Variants in CDYL2 observed in about 807,000 individuals in gnomAD.
CDYL2 encodes the protein chromodomain Y-like protein 2.
CDYL2 carries 23 observed loss-of-function variants against 49.4 expected under a neutral mutation model. The observed-to-expected ratio is 0.47, with a 90% CI of 0.34 to 0.66. The LOEUF is 0.66. Ranked by LOEUF, CDYL2 falls within the 30% of genes least tolerant of loss-of-function variation. The pLI is 0.01. For synonymous variants in CDYL2, 360 were observed against 268.8 expected (o/e 1.34, Z -3.32); for missense variants, 678 against 656.4 (o/e 1.03, Z -0.36).
chr16:80,686,002 A>G (rs1000620489), intron 1 of CDYL2, among the ~76,000 whole-genome samples: 3 of 152,206 alleles, frequency 2.0e-5, no homozygotes, highest in Non-Finnish European at 4.4e-5. Context: ...AGTACCTACT[A>G]TGCACCTCAC....
chr16:80,791,409 AC>A (rs1858921366), intron 1 of CDYL2, among the ~76,000 whole-genome samples: 1 of 152,180 alleles, frequency 6.6e-6, no homozygotes, highest in South Asian at 2.1e-4. Context: ...TACAGATGAA[AC>A]AAGACAGACA....
chr16:80,633,780 T>C (rs572323172), intron 2 of CDYL2, among the ~76,000 whole-genome samples: 5 of 152,194 alleles, frequency 3.3e-5, no homozygotes, highest in Admixed American at 6.5e-5. Flanking sequence ...GCAGGCAGTA[T>C]CCTTAGGTCT....
chr16:80,608,175 G>T lies in CDYL2; in HGVS notation c.1279C>A (p.Leu427Met). 6.2e-7 allele frequency: 1 copy of T among 1,602,694 alleles called. No homozygotes were observed. Among genetic ancestry groups the T allele is most frequent in the Non-Finnish European group, 8.5e-7 (1 of 1,174,770 alleles). The part of the protein sequence containing the change: ...LTAQEACSRG[L>M]VSQVFWPTTF... ...GTGGGCCAGAAGACCTGCGACACCA[G>T]CCCCCTGCTGCAGGCCTCCTGGGCG... Residue 427 changes from leucine (L) to methionine (M), a missense_variant, in exon 6 of 7, where the codon CTG becomes ATG. By Grantham distance (15) the Leu-to-Met change is conservative (BLOSUM62 2). This residue lies in a region of CDYL2 where 153 missense variants were observed against 150.6 expected (regional missense o/e 1.02). Coordinates refer to ENST00000570137, the MANE Select transcript of CDYL2 (RefSeq NM_152342.4).
At chr16:80,639,738 C>A (rs1907997341) in intron 2 of CDYL2, 1 of 455,996 alleles carries the variant, frequency 2.2e-6, no homozygotes, top group South Asian at 1.5e-5. Flanking sequence ...TCTTGAATCA[C>A]AAACGCCACC....
At chr16:80,782,606 T>A in intron 1 of CDYL2, among the ~76,000 whole-genome samples, 1 of 144,058 alleles carries the variant, frequency 6.9e-6, no homozygotes, top group Admixed American at 6.9e-5. Context: ...AACAAAATAC[T>A]AGGAAACCAA....
intron 6 of CDYL2, among the ~76,000 whole-genome samples, chr16:80,606,668 G>A (rs1455006391): frequency 6.6e-6 from 1 of 152,192 alleles, no homozygotes; most frequent in Non-Finnish European, 1.5e-5. Context: ...TGGTTTGCCT[G>A]TGTCCCAACC....
At chr16:80,723,598 T>C (rs1465299301) in intron 1 of CDYL2, among the ~76,000 whole-genome samples, 1 of 152,178 alleles carries the variant, frequency 6.6e-6, no homozygotes, top group South Asian at 2.1e-4. Flanking sequence ...TAGTCCCCCA[T>C]GTTCCTTAGG....
At chr16:80,649,073 C>T (rs1172903972) in intron 2 of CDYL2, among the ~76,000 whole-genome samples, 1 of 152,098 alleles carries the variant, frequency 6.6e-6, no homozygotes, top group Admixed American at 6.5e-5. Context: ...CCTCTAAGAT[C>T]CAGAGCACAA....
intron 6 of CDYL2, among the ~76,000 whole-genome samples, chr16:80,607,443 C>G (rs1255608125): frequency 2.0e-5 from 3 of 152,208 alleles, no homozygotes; most frequent in Non-Finnish European, 4.4e-5. Flanking sequence ...GTCCTAGAGC[C>G]TCAATCTCCC....
chr16:80,677,916 T>G (rs1377830615), intron 2 of CDYL2, among the ~76,000 whole-genome samples: 2 of 151,662 alleles, frequency 1.3e-5, no homozygotes, highest in Admixed American at 1.3e-4. Flanking sequence ...AACAGAGATA[T>G]AGATCAATGG....
chr16:80,617,747 A>G (rs1042127336), intron 4 of CDYL2, among the ~76,000 whole-genome samples: 1 of 152,138 alleles, frequency 6.6e-6, no homozygotes, highest in Non-Finnish European at 1.5e-5. Context: ...TCATGCCTGT[A>G]TCACCTCTTT....
chr16:80,699,536 G>A (rs1287850271), intron 1 of CDYL2, among the ~76,000 whole-genome samples: 1 of 152,116 alleles, frequency 6.6e-6, no homozygotes, highest in Non-Finnish European at 1.5e-5. Context: ...AGAGGATAGG[G>A]AGAGGTTAGT....
chr16:80,609,694 C>T (rs571984525), intron 5 of CDYL2, among the ~76,000 whole-genome samples: 2 of 152,060 alleles, frequency 1.3e-5, no homozygotes, highest in Admixed American at 1.3e-4. Flanking sequence ...AAGGCGAGGC[C>T]CCCATTCATA....
intron 4 of CDYL2, among the ~76,000 whole-genome samples, chr16:80,617,841 G>A (rs939520486): frequency 2.0e-5 from 3 of 152,186 alleles, no homozygotes; most frequent in Admixed American, 6.5e-5. Flanking sequence ...CTCTCAATCA[G>A]TGGTGCAGAA....
chr16:80,627,787 T>C (rs917171025), intron 3 of CDYL2: 5 of 152,232 alleles, frequency 3.3e-5, no homozygotes, highest in Admixed American at 3.3e-4. Flanking sequence ...CTATAACAAA[T>C]AGTCCCAGAC....
At chr16:80,623,636 T>G (rs1907180365) in intron 3 of CDYL2, among the ~76,000 whole-genome samples, 1 of 152,218 alleles carries the variant, frequency 6.6e-6, no homozygotes, top group African/African-American at 2.4e-5. Flanking sequence ...GTTTGAGAAG[T>G]GCTGCTTTAC....
chr16:80,710,871 C>G (rs535541091), intron 1 of CDYL2, among the ~76,000 whole-genome samples: 15 of 152,320 alleles, frequency 9.8e-5, no homozygotes, highest in African/African-American at 3.6e-4. Context: ...CACTGCATAT[C>G]ATATACCCAG....
chr16:80,714,688 T>A (rs1904736244), intron 1 of CDYL2, among the ~76,000 whole-genome samples: 1 of 152,106 alleles, frequency 6.6e-6, no homozygotes, highest in South Asian at 2.1e-4. Flanking sequence ...CCAGCATACC[T>A]TACATCAATG....
At chr16:80,613,861 G>C (rs114783778) in intron 4 of CDYL2, among the ~76,000 whole-genome samples, 1 of 152,148 alleles carries the variant, frequency 6.6e-6, no homozygotes, top group Non-Finnish European at 1.5e-5. Context: ...TGCCCATTAC[G>C]TTGGTCTGAC....
Sources: allele counts gnomAD v4.1 joint callset (sites outside exome capture counted in the v4.1 genomes callset), GRCh38; gene constraint gnomAD v4.1.1; regional missense constraint gnomAD v4.1.1; transcripts MANE v1.5; gene names NCBI Gene and HGNC (gene_info 2026-07-23, HGNC 2026-07-21).